The following CD300E variants were observed in gnomAD, a reference collection of about 807,000 sequenced individuals.
CD300E encodes the protein CD300e molecule.
In CD300E, 14 loss-of-function variants were observed where a neutral mutation model predicts 20.9. The observed-to-expected ratio is 0.67, with a 90% CI of 0.44 to 1.05. The LOEUF (loss-of-function observed/expected upper bound fraction) is 1.05. Among genes scored for constraint, CD300E ranks in the 50% least tolerant of loss-of-function variants. CD300E has a pLI of 0.00. For missense variants in CD300E, 237 were observed against 253.9 expected (o/e 0.93, Z 0.45); for synonymous variants, 102 against 103.7 (o/e 0.98, Z 0.10).
At chr17:74,617,517 C>G in intron 1 of CD300E, 52 bp from the exon 2 acceptor site, 1 of 1,475,366 alleles carries the variant, frequency 6.8e-7, no homozygotes, top group Non-Finnish European at 9.3e-7. Flanking sequence ...GCCCCATCAG[C>G]AGCCGTCTGT....
At chr17:74,623,029 C>T (rs1051343007) in intron 1 of CD300E, among the ~76,000 whole-genome samples, 2 of 152,244 alleles carry the variant, frequency 1.3e-5, no homozygotes, top group Non-Finnish European at 2.9e-5. Flanking sequence ...TGAGCCACCA[C>T]GCCCAGCCCA....
chr17:74,619,095 ACCT>A (rs1463096334), intron 1 of CD300E: 3 of 469,570 alleles, frequency 6.4e-6, no homozygotes, highest in Non-Finnish European at 1.3e-5. Flanking sequence ...GCTGGTCCTC[ACCT>A]CCTCCCTTCC....
chr17:74,613,681 C>T (rs892381631), intron 3 of CD300E, among the ~76,000 whole-genome samples: 3 of 152,138 alleles, frequency 2.0e-5, no homozygotes, highest in South Asian at 2.1e-4. Flanking sequence ...AGGGGCTGCA[C>T]GTCCACCTGA....
intron 1 of CD300E, chr17:74,619,196 C>T: frequency 2.1e-6 from 1 of 467,636 alleles, no homozygotes; most frequent in Non-Finnish European, 4.4e-6. Context: ...GCATTTCCCA[C>T]AGTGGGAGCT....
Position 74,614,039 on chromosome 17 carries a change from G to A in CD300E, c.389-6C>T. ...CCTCCTTGGGGTTGTAATTGCTGTT[G>A]GAGATGAAAATGATGCATCAGCCGT... On this transcript the variant is annotated splice_polypyrimidine_tract_variant and splice_region_variant and intron_variant, in intron 2 of 3. Transcript: ENST00000392619. 2 of 1,610,902 alleles carry A rather than the reference G, an allele frequency of 1.2e-6. No individual in the cohort carries two copies. The highest frequency in any genetic ancestry group is 1.7e-6 in the Non-Finnish European group (2 of 1,177,312).
intron 1 of CD300E, among the ~76,000 whole-genome samples, chr17:74,618,832 C>T (rs1029649048): frequency 6.6e-6 from 1 of 152,048 alleles, no homozygotes; most frequent in Non-Finnish European, 1.5e-5. Flanking sequence ...CCCTTCCCAG[C>T]CCCTACCCCA....
rs1021545569 is a variant in CD300E at position 74,617,195 on chromosome 17, C to T, written c.311G>A (p.Cys104Tyr). 5 of 1,614,088 alleles carry T rather than the reference C, an allele frequency of 3.1e-6. No individual in the cohort carries two copies. The highest frequency in any genetic ancestry group is 2.7e-5 in the African/African-American group (2 of 74,924). ...CAGGACCCACACTGTCTGAATTTTG[C>T]ACCAGTAAGATCCAGCATCATCTTC... Reference protein sequence around the residue: ...LNEDDAGSYWCKIQTVWVLDS... With the variant: ...LNEDDAGSYWYKIQTVWVLDS... Residue 104 changes from cysteine (C) to tyrosine (Y), a missense_variant, in exon 2 of 4, where the codon TGC (cysteine) becomes TAC (tyrosine). Transcript: ENST00000392619.
intron 1 of CD300E, among the ~76,000 whole-genome samples, chr17:74,617,671 CA>C (rs2030934415): frequency 6.6e-6 from 1 of 152,168 alleles, no homozygotes. Context: ...GACACCAAGT[CA>C]CAGCACAGGG....
intron 2 of CD300E, among the ~76,000 whole-genome samples, chr17:74,615,120 AG>A (rs200644844): frequency 0.011 from 1,627 of 152,372 alleles, 13 homozygotes; most frequent in Non-Finnish European, 0.016. Flanking sequence ...AAGGAGCCCC[AG>A]CAGGTGCAAT....
At chr17:74,619,332 G>A in intron 1 of CD300E, 1 of 327,378 alleles carries the variant, frequency 3.1e-6, no homozygotes, top group South Asian at 2.4e-5. Context: ...TAGGATCAGA[G>A]CCAGTCCCTT....
chr17:74,620,267 T>C (rs893530975), intron 1 of CD300E, among the ~76,000 whole-genome samples: 1 of 151,814 alleles, frequency 6.6e-6, no homozygotes, highest in Non-Finnish European at 1.5e-5. Flanking sequence ...AGGTCAGGAG[T>C]TCGAAACCAG....
At chr17:74,613,157 T>A (rs2030821976) in intron 3 of CD300E, among the ~76,000 whole-genome samples, 1 of 152,172 alleles carries the variant, frequency 6.6e-6, no homozygotes, top group Non-Finnish European at 1.5e-5. Flanking sequence ...CAGGCTGGAG[T>A]GCAGTGGTGC....
chr17:74,619,217 C>A (rs1746655010), intron 1 of CD300E: 1 of 458,826 alleles, frequency 2.2e-6, no homozygotes, highest in South Asian at 1.6e-5. Flanking sequence ...TGGCAGGGTA[C>A]AAAGGGCTTG....
chr17:74,618,550 A>G (rs944574802), intron 1 of CD300E, among the ~76,000 whole-genome samples: 1 of 152,064 alleles, frequency 6.6e-6, no homozygotes, highest in African/African-American at 2.4e-5. Context: ...AGCTAACTAC[A>G]TCTAGATCTG....
chr17:74,616,007 C>T (rs1365374486), intron 2 of CD300E, among the ~76,000 whole-genome samples: 1 of 152,094 alleles, frequency 6.6e-6, no homozygotes, highest in Non-Finnish European at 1.5e-5. Flanking sequence ...GATCACGAGC[C>T]CAGGAGGCGG....
chr17:74,611,716 T>C lies in CD300E; in HGVS notation c.*937A>G, dbSNP rs970375079. 6.6e-6 allele frequency: 1 copy of C among 152,340 alleles called. No homozygotes were observed. The highest frequency in any genetic ancestry group is 1.5e-5 in the Non-Finnish European group (1 of 68,124). The allele number at this position is 152,340 out of a possible 1,614,324, so 9.4% of individuals were successfully genotyped here. A position where few individuals can be genotyped will look rare whatever the true frequency, so the allele number is the denominator to read the frequency against. On this transcript the variant is annotated 3_prime_UTR_variant, in exon 4 of 4. Coordinates refer to ENST00000392619, the MANE Select transcript of CD300E (RefSeq NM_181449.3). ...AACTGACTCTGTTGACCTTGTGCAT[T>C]GGACACCTCCAGGTGGGGGAATTCC...
At position 74,615,051 on chromosome 17, in the gene CD300E, G is replaced by C. The variant is rs527733709; in HGVS notation, c.389-1018C>G. On this transcript the variant is annotated intron_variant, in intron 2 of 3. Transcript: ENST00000392619. ...ATGGACGTGGCATGAGCCCCACCCC[G>C]TTGGAGGGGCAGAGACACATAAACA... is the stretch of plus-strand genomic sequence containing the variant. Among the ~76,000 whole-genome samples the C allele has an allele frequency of 4.6e-5, 7 of 152,300 alleles. No individual in the cohort carries two copies. In the East Asian group the frequency reaches 1.2e-3, roughly 25 times the overall value.
chr17:74,614,613 G>T (rs140400062), intron 2 of CD300E, among the ~76,000 whole-genome samples: 1 of 151,882 alleles, frequency 6.6e-6, no homozygotes, highest in Non-Finnish European at 1.5e-5. Context: ...CACCCAAGTA[G>T]CTGGGATTAC....
chr17:74,622,297 G>A lies in CD300E; in HGVS notation c.40+1285C>T, dbSNP rs150325520. ...GATGGAAAGGGCAAAGAAAAAGGAAGCAAATTCAAATACAAAATGAGCAAA... is the reference window on the plus strand; with the variant it reads ...GATGGAAAGGGCAAAGAAAAAGGAAACAAATTCAAATACAAAATGAGCAAA... On this transcript the variant is annotated intron_variant, in intron 1 of 3. Transcript: ENST00000392619. 4.4e-3 allele frequency among the ~76,000 whole-genome samples: 664 copies of A among 151,756 alleles called. 6 individuals carry two copies. The highest frequency in any genetic ancestry group is 0.014 in the African/African-American group (560 of 41,420).
Sources: allele counts gnomAD v4.1 joint callset (sites outside exome capture counted in the v4.1 genomes callset), GRCh38; gene constraint gnomAD v4.1.1; transcripts MANE v1.5; gene names NCBI Gene and HGNC (gene_info 2026-07-23, HGNC 2026-07-21).